The following TPD52L1 variants were observed in gnomAD, a reference collection of about 807,000 sequenced individuals.
The protein encoded by TPD52L1 is tumor protein D53.
A neutral mutation model predicts 28.7 loss-of-function variants in TPD52L1; 18 were observed. The ratio of observed to expected loss-of-function variants is 0.63; its 90% confidence interval spans 0.43 to 0.93. The LOEUF is 0.93. Among genes scored for constraint, TPD52L1 ranks in the 40% least tolerant of loss-of-function variants. The probability of loss-of-function intolerance (pLI) is 0.00; values close to 1 mark genes in which losing one functional copy is unlikely to be tolerated. For synonymous variants in TPD52L1, 75 were observed against 88.8 expected (o/e 0.84, Z 0.88); for missense variants, 203 against 254.8 (o/e 0.80, Z 1.39).
chr6:125,167,855 TAA>T (rs555392206), intron 1 of TPD52L1, among the ~76,000 whole-genome samples: 2 of 138,704 alleles, frequency 1.4e-5, no homozygotes, highest in Non-Finnish European at 1.6e-5. Flanking sequence ...AATCTTGTAC[TAA>T]AAAAAAAAAC....
intron 1 of TPD52L1, among the ~76,000 whole-genome samples, chr6:125,165,407 T>C (rs1191376454): frequency 6.6e-6 from 1 of 152,160 alleles, no homozygotes; most frequent in Non-Finnish European, 1.5e-5. Flanking sequence ...TTTAAGCAAT[T>C]TCTCACAGTG....
chr6:125,205,294 T>C (rs1162823783), intron 1 of TPD52L1, among the ~76,000 whole-genome samples: 1 of 152,196 alleles, frequency 6.6e-6, no homozygotes, highest in African/African-American at 2.4e-5. Flanking sequence ...CGGCTGATCT[T>C]ATGTGGTAAT....
chr6:125,214,109 G>A (rs1033400876), intron 1 of TPD52L1, among the ~76,000 whole-genome samples: 4 of 152,190 alleles, frequency 2.6e-5, no homozygotes, highest in Non-Finnish European at 4.4e-5. Context: ...GCAAGATGCA[G>A]CCTGGCAGGG....
intron 1 of TPD52L1, among the ~76,000 whole-genome samples, chr6:125,162,443 G>A (rs1790585011): frequency 6.6e-6 from 1 of 152,086 alleles, no homozygotes; most frequent in Non-Finnish European, 1.5e-5. Context: ...ATAAGAAGAT[G>A]TGCTACTTAG....
At chr6:125,161,453 G>T (rs753421901) in intron 1 of TPD52L1, among the ~76,000 whole-genome samples, 12 of 152,130 alleles carry the variant, frequency 7.9e-5, no homozygotes, top group Non-Finnish European at 1.5e-4. Flanking sequence ...CAAGAGGCCT[G>T]CTTTTGATCT....
At chr6:125,209,070 G>T (rs902845812) in intron 1 of TPD52L1, 1 of 537,828 alleles carries the variant, frequency 1.9e-6, no homozygotes, top group Middle Eastern at 9.5e-4. Context: ...CTTGATCTCT[G>T]ATACTGGCCG....
intron 5 of TPD52L1, among the ~76,000 whole-genome samples, 172 bp from the exon 6 acceptor site, chr6:125,256,926 C>T (rs1391502918): frequency 6.6e-6 from 1 of 152,202 alleles, no homozygotes; most frequent in Admixed American, 6.5e-5. Flanking sequence ...GGTTTCTGAA[C>T]CTAACCTAAC....
Position 125,205,660 on chromosome 6 carries a change from C to T in TPD52L1, c.20-14418C>T, listed in dbSNP as rs144448264. ...CTGGAAGATTCTCCACCCTTTAGGA[C>T]CATGTGGTACTTGGTTAACTGTTGG... On this transcript the variant is annotated intron_variant, in intron 1 of 6. Coordinates refer to ENST00000534000, the MANE Select transcript of TPD52L1 (RefSeq NM_003287.4). Among the ~76,000 whole-genome samples, 12 of 152,258 alleles carry T rather than the reference C, an allele frequency of 7.9e-5. No individual in the cohort carries two copies. In the East Asian group the frequency reaches 2.3e-3, roughly 29 times the overall value.
intron 1 of TPD52L1, among the ~76,000 whole-genome samples, chr6:125,167,550 A>C (rs1005275512): frequency 2.6e-5 from 4 of 152,242 alleles, no homozygotes; most frequent in Non-Finnish European, 5.9e-5. Flanking sequence ...AATTTAGAGA[A>C]TATGTAGAAA....
At chr6:125,154,966 G>C (rs757492276) in intron 1 of TPD52L1, among the ~76,000 whole-genome samples, 2 of 152,042 alleles carry the variant, frequency 1.3e-5, no homozygotes, top group African/African-American at 2.4e-5. Context: ...GACCTGATGC[G>C]CTCGCCCTCT....
At chr6:125,179,000 T>TTGA (rs1792008393) in intron 1 of TPD52L1, among the ~76,000 whole-genome samples, 1 of 152,166 alleles carries the variant, frequency 6.6e-6, no homozygotes, top group Non-Finnish European at 1.5e-5. Flanking sequence ...TTGATTGGAT[T>TTGA]TTGTATGTCT....
At chr6:125,191,310 G>A (rs944660079) in intron 1 of TPD52L1, among the ~76,000 whole-genome samples, 9 of 152,124 alleles carry the variant, frequency 5.9e-5, no homozygotes, top group South Asian at 4.1e-4. Context: ...CCTGTATGTC[G>A]CTCATTGTCC....
At chr6:125,257,237 C>T (rs955499039) in intron 6 of TPD52L1, 79 bp downstream of exon 6, 71 of 1,240,550 alleles carry the variant, frequency 5.7e-5, no homozygotes, top group Middle Eastern at 1.9e-4. Context: ...AGTTTAAAGT[C>T]GAGGCAGGGC....
At chr6:125,229,348 A>C in intron 3 of TPD52L1, 82 bp downstream of exon 3, 6 of 1,399,070 alleles carry the variant, frequency 4.3e-6, no homozygotes, top group Non-Finnish European at 5.7e-6. Flanking sequence ...TTTTCCTACA[A>C]GGCTGATTTG....
intron 3 of TPD52L1, among the ~76,000 whole-genome samples, chr6:125,232,311 G>A (rs1282760941): frequency 6.6e-6 from 1 of 152,116 alleles, no homozygotes. Context: ...TTGGGGAAAG[G>A]GTCTGTCCCC....
At chr6:125,168,548 C>G (rs1289504880) in intron 1 of TPD52L1, among the ~76,000 whole-genome samples, 1 of 149,030 alleles carries the variant, frequency 6.7e-6, no homozygotes, top group Non-Finnish European at 1.5e-5. Context: ...GACGGAGTCT[C>G]GCTCTGTTGC....
At chr6:125,220,341 T>C (rs1795154152) in intron 2 of TPD52L1, 148 bp downstream of exon 2, 1 of 599,116 alleles carries the variant, frequency 1.7e-6, no homozygotes, top group South Asian at 2.2e-5. Flanking sequence ...TACAAGATGA[T>C]TCATTTTTCC....
intron 4 of TPD52L1, chr6:125,253,240 G>A (rs1329091777): frequency 6.0e-6 from 1 of 165,672 alleles, no homozygotes; most frequent in Non-Finnish European, 1.3e-5. Context: ...TGCCTGGCAT[G>A]TGCTTCCTTG....
chr6:125,234,852 G>A (rs1336378594), intron 3 of TPD52L1, among the ~76,000 whole-genome samples: 1 of 151,988 alleles, frequency 6.6e-6, no homozygotes, highest in Non-Finnish European at 1.5e-5. Flanking sequence ...TAGCCCTTCA[G>A]GAGGCCGAGG....
Sources: gnomAD v4.1 joint callset for allele counts (sites outside exome capture counted in the v4.1 genomes callset) on GRCh38, gnomAD v4.1.1 for gene constraint, MANE v1.5 for transcripts, NCBI Gene and HGNC (gene_info 2026-07-23, HGNC 2026-07-21) for gene names.